The following MIPOL1 variants were observed in gnomAD, a reference collection of about 807,000 sequenced individuals.
MIPOL1 encodes mirror-image polydactyly gene 1 protein.
In MIPOL1, 57 loss-of-function variants were observed where a neutral mutation model predicts 60.9. The observed-to-expected ratio is 0.94, with a 90% CI of 0.76 to 1.17. The LOEUF is 1.17. Ranked by LOEUF, MIPOL1 falls within the 50% of genes most tolerant of loss-of-function variation. The pLI, the probability that MIPOL1 is intolerant of heterozygous loss-of-function variation, is 0.00. For missense variants in MIPOL1, 551 were observed against 511.6 expected (o/e 1.08, Z -0.74); for synonymous variants, 179 against 168.8 (o/e 1.06, Z -0.47).
chr14:37,218,014 C>T (rs893986479), intron 1 of MIPOL1, among the ~76,000 whole-genome samples: 1 of 152,130 alleles, frequency 6.6e-6, no homozygotes. Flanking sequence ...ATTTTTATCT[C>T]GTTCAGAAGT....
chr14:37,359,154 T>C (rs1196234071), intron 9 of MIPOL1, among the ~76,000 whole-genome samples: 1 of 152,090 alleles, frequency 6.6e-6, no homozygotes, highest in African/African-American at 2.4e-5. Context: ...AGGTGTGTGG[T>C]GTTACTTCTG....
chr14:37,347,774 G>A (rs2091049628), intron 9 of MIPOL1, among the ~76,000 whole-genome samples: 1 of 152,054 alleles, frequency 6.6e-6, no homozygotes, highest in East Asian at 1.9e-4. Flanking sequence ...GACTAAAATG[G>A]GATAATATCT....
chr14:37,209,476 TG>T (rs1156987047), intron 1 of MIPOL1, among the ~76,000 whole-genome samples: 11 of 152,114 alleles, frequency 7.2e-5, no homozygotes, highest in Admixed American at 6.5e-4. Flanking sequence ...CTGGCCAACA[TG>T]GTGAAACCCC....
rs190081682 is a variant in MIPOL1, at chr14:37,267,083, A to C, written c.165A>C (p.Glu55Asp). 6.2e-7 allele frequency: 1 copy of C among 1,613,888 alleles called. No individual in the cohort carries two copies. ...ATGAAATAACATGTGAGAACACAGA[A>C]TGGCCAGGGCAGAGATCAACGAATT... ...LVNEITCENT[E>D]WPGQRSTNFQ... The change falls in exon 4 of 13, where the codon GAA becomes GAC. Residue 55 changes from glutamate to aspartate, a missense_variant. Transcript: ENST00000684589.
intron 9 of MIPOL1, among the ~76,000 whole-genome samples, chr14:37,316,745 G>C (rs1189980245): frequency 6.6e-6 from 1 of 152,090 alleles, no homozygotes; most frequent in Non-Finnish European, 1.5e-5. Flanking sequence ...AGGAGGGCAA[G>C]GCGGGTGGAT....
chr14:37,240,971 G>T (rs1215508673), intron 1 of MIPOL1, among the ~76,000 whole-genome samples: 1 of 146,620 alleles, frequency 6.8e-6, no homozygotes, highest in African/African-American at 2.7e-5. Context: ...ACACACACAG[G>T]TTTATTATAA....
intron 9 of MIPOL1, among the ~76,000 whole-genome samples, chr14:37,338,144 T>C (rs1012214539): frequency 6.7e-6 from 1 of 149,332 alleles, no homozygotes; most frequent in Non-Finnish European, 1.5e-5. Context: ...TCTCGCTCTG[T>C]CGCCCAGGCT....
At chr14:37,369,473 AT>A in intron 9 of MIPOL1, 43 bp from the exon 10 acceptor site, 1 of 1,425,480 alleles carries the variant, frequency 7.0e-7, no homozygotes, top group Non-Finnish European at 9.8e-7. Flanking sequence ...GTGAAAAAAA[AT>A]GCTATAACTC....
At chr14:37,342,736 C>T (rs2090664002) in intron 9 of MIPOL1, among the ~76,000 whole-genome samples, 1 of 151,976 alleles carries the variant, frequency 6.6e-6, no homozygotes, top group Non-Finnish European at 1.5e-5. Flanking sequence ...TTTATGAATA[C>T]AGTTAACATA....
intron 11 of MIPOL1, among the ~76,000 whole-genome samples, chr14:37,465,817 C>T (rs2094591428): frequency 1.3e-5 from 2 of 152,122 alleles, no homozygotes; most frequent in Non-Finnish European, 2.9e-5. Context: ...GTACTACTAA[C>T]TCCCTTCCCA....
chr14:37,276,255 T>G (rs1451533512), intron 6 of MIPOL1: 1 of 151,016 alleles, frequency 6.6e-6, no homozygotes, highest in African/African-American at 2.4e-5. Context: ...AAATTTAGAC[T>G]GATATTTTGT....
At chr14:37,393,543 G>A (rs1595564648) in intron 10 of MIPOL1, among the ~76,000 whole-genome samples, 1 of 151,652 alleles carries the variant, frequency 6.6e-6, no homozygotes, top group East Asian at 1.9e-4. Context: ...GCTCCTTGTA[G>A]TGTTTTTTAG....
intron 1 of MIPOL1, among the ~76,000 whole-genome samples, chr14:37,222,850 T>G (rs976511419): frequency 4.6e-5 from 7 of 152,174 alleles, no homozygotes; most frequent in Non-Finnish European, 1.0e-4. Context: ...CATTACCTAG[T>G]TCCAAAACTA....
rs56965903 is a variant in MIPOL1 at position 37,200,850 on chromosome 14, A to ATGTGTGTGTG, written c.-199+2786_-199+2795dup. Among the ~76,000 whole-genome samples, 68 of 87,044 alleles carry ATGTGTGTGTG rather than the reference A, an allele frequency of 7.8e-4. 1 individual carries two copies. The highest frequency in any genetic ancestry group is 1.7e-3 in the Admixed American group (10 of 5,834). The allele number at this position is 87,044 out of a possible 152,430, so 57.1% of individuals were successfully genotyped here. Reference sequence around the variant, plus strand: ...TAGATCCATAATACTATATCTATCTATGTGTGTGTGTGTGTGTGTGTGTGT... The same window carrying ATGTGTGTGTG: ...TAGATCCATAATACTATATCTATCTATGTGTGTGTGTGTGTGTGTGTGTGTGTGTGTGTGT... On this transcript the variant is annotated intron_variant, in intron 1 of 12. Coordinates refer to ENST00000684589, the MANE Select transcript of MIPOL1 (RefSeq NM_001388067.1).
intron 9 of MIPOL1, among the ~76,000 whole-genome samples, chr14:37,330,404 T>C (rs2089565102): frequency 6.6e-6 from 1 of 152,148 alleles, no homozygotes; most frequent in African/African-American, 2.4e-5. Context: ...ACCTGGAAGC[T>C]AGGAAAATAC....
At chr14:37,262,104 A>G (rs1455545986) in intron 3 of MIPOL1, among the ~76,000 whole-genome samples, 1 of 152,060 alleles carries the variant, frequency 6.6e-6, no homozygotes, top group Non-Finnish European at 1.5e-5. Flanking sequence ...AGCACATATA[A>G]TATGCATCTC....
intron 9 of MIPOL1, among the ~76,000 whole-genome samples, chr14:37,345,511 T>TA (rs1469414999): frequency 2.0e-5 from 3 of 152,258 alleles, no homozygotes; most frequent in African/African-American, 4.8e-5. Flanking sequence ...TTTCTTTAGA[T>TA]AGCAGGGAAC....
chr14:37,303,300 C>G (rs142148507), intron 7 of MIPOL1, among the ~76,000 whole-genome samples: 5 of 151,968 alleles, frequency 3.3e-5, no homozygotes, highest in African/African-American at 1.2e-4. Flanking sequence ...ACAGGCAACT[C>G]AAACTTAGCA....
intron 11 of MIPOL1, among the ~76,000 whole-genome samples, chr14:37,468,920 A>T (rs1246327549): frequency 6.6e-6 from 1 of 152,198 alleles, no homozygotes; most frequent in East Asian, 1.9e-4. Flanking sequence ...GTGTAGAGGT[A>T]AATAGGTGAA....
Sources: allele counts gnomAD v4.1 joint callset (sites outside exome capture counted in the v4.1 genomes callset), GRCh38; gene constraint gnomAD v4.1.1; transcripts MANE v1.5; gene names NCBI Gene and HGNC (gene_info 2026-07-23, HGNC 2026-07-21).